MBNL1: variants seen among roughly 807,000 people sequenced by gnomAD.
MBNL1 encodes muscleblind like splicing regulator 1.
Under a neutral mutation model 42.2 loss-of-function variants are expected in MBNL1, and 8 were observed. The observed-to-expected ratio is 0.19, with a 90% CI of 0.11 to 0.34. MBNL1 has a LOEUF of 0.34. Among genes scored for constraint, MBNL1 ranks in the 10% least tolerant of loss-of-function variants. The pLI is 1.00. For missense variants in MBNL1, 309 were observed against 495.3 expected, an observed-to-expected ratio of 0.62 and a Z score of 3.57; for synonymous variants, 169 against 173.9, an observed-to-expected ratio of 0.97 and a Z score of 0.22.
At chr3:152,376,082 A>G (rs958799381) in intron 2 of MBNL1, among the ~76,000 whole-genome samples, 1 of 152,142 alleles carries the variant, frequency 6.6e-6, no homozygotes, top group Non-Finnish European at 1.5e-5. Context: ...CTCAGAACTC[A>G]TACTGTCAGG....
upstream of MBNL1, chr3:152,264,998 T>C (rs2036954389): frequency 6.6e-6 from 1 of 152,122 alleles, no homozygotes; most frequent in Non-Finnish European, 1.5e-5. Context: ...GTATGAAATA[T>C]ATAAAGGTCC....
intron 3 of MBNL1, among the ~76,000 whole-genome samples, chr3:152,428,415 G>T (rs541180537): frequency 2.6e-5 from 4 of 152,270 alleles, no homozygotes; most frequent in South Asian, 2.1e-4. Context: ...TTAGGAGTTC[G>T]TGGGAACAGA....
At chr3:152,316,745 A>T (rs138238594) in intron 2 of MBNL1, among the ~76,000 whole-genome samples, 11 of 152,312 alleles carry the variant, frequency 7.2e-5, no homozygotes, top group African/African-American at 2.4e-4. Flanking sequence ...TTCTCAATCT[A>T]TAGAGAAGAT....
At chr3:152,359,835 T>C (rs2095808347) in intron 2 of MBNL1, among the ~76,000 whole-genome samples, 1 of 152,206 alleles carries the variant, frequency 6.6e-6, no homozygotes, top group Admixed American at 6.5e-5. Flanking sequence ...GTTCAGACAT[T>C]AGGTAAATCA....
At chr3:152,442,931 C>T (rs977626837) in intron 4 of MBNL1, among the ~76,000 whole-genome samples, 1 of 151,884 alleles carries the variant, frequency 6.6e-6, no homozygotes, top group Non-Finnish European at 1.5e-5. Flanking sequence ...CAGTATGTTT[C>T]TGTCCTATTT....
chr3:152,413,148 G>A (rs1458737505), intron 2 of MBNL1, among the ~76,000 whole-genome samples: 5 of 152,086 alleles, frequency 3.3e-5, no homozygotes, highest in Non-Finnish European at 5.9e-5. Context: ...ACACTTTTAA[G>A]CTAATAACAT....
intron 2 of MBNL1, among the ~76,000 whole-genome samples, chr3:152,325,094 C>CCCCCCT (rs1413896885): frequency 1.4e-5 from 1 of 71,622 alleles, no homozygotes; most frequent in Non-Finnish European, 3.4e-5. Flanking sequence ...CCCGCCCCCC[C>CCCCCCT]CCGCCCGCTT....
At chr3:152,426,004 A>G (rs1221001689) in intron 3 of MBNL1, among the ~76,000 whole-genome samples, 1 of 152,234 alleles carries the variant, frequency 6.6e-6, no homozygotes, top group Non-Finnish European at 1.5e-5. Context: ...ACACCATGGA[A>G]TACTATACAG....
chr3:152,295,278 T>A (rs895179112), intron 1 of MBNL1, among the ~76,000 whole-genome samples: 1 of 152,208 alleles, frequency 6.6e-6, no homozygotes, highest in Non-Finnish European at 1.5e-5. Context: ...AAAGTATATT[T>A]TGTACTTGAG....
At chr3:152,268,603 T>G (rs765359526), upstream of MBNL1, 1 of 381,440 alleles carries the variant, frequency 2.6e-6, no homozygotes, top group Non-Finnish European at 5.2e-6. Flanking sequence ...GCTGAACGCA[T>G]GAGATGGAAG....
At chr3:152,405,095 T>C (rs2098392660) in intron 2 of MBNL1, among the ~76,000 whole-genome samples, 1 of 152,206 alleles carries the variant, frequency 6.6e-6, no homozygotes, top group Admixed American at 6.5e-5. Flanking sequence ...GCTTACATTA[T>C]GAAATATCTT....
At chr3:152,343,470 T>C (rs941159796) in intron 2 of MBNL1, among the ~76,000 whole-genome samples, 1 of 152,160 alleles carries the variant, frequency 6.6e-6, no homozygotes, top group African/African-American at 2.4e-5. Flanking sequence ...ATAATATTTA[T>C]TTGCAACTTT....
chr3:152,446,375 T>C (rs910021449), intron 5 of MBNL1, among the ~76,000 whole-genome samples: 16 of 152,152 alleles, frequency 1.1e-4, no homozygotes, highest in Admixed American at 1.0e-3. Flanking sequence ...TCTGTGTTTA[T>C]GGATACTTGA....
chr3:152,418,877 C>T (rs556309445), intron 3 of MBNL1, among the ~76,000 whole-genome samples: 4 of 151,998 alleles, frequency 2.6e-5, no homozygotes, highest in African/African-American at 9.7e-5. Flanking sequence ...CCCCCGTGCC[C>T]GGCTAATTTT....
chr3:152,304,938 G>A (rs919179919), intron 2 of MBNL1, among the ~76,000 whole-genome samples: 3 of 151,930 alleles, frequency 2.0e-5, no homozygotes, highest in African/African-American at 4.8e-5. Context: ...ACCATGTTTC[G>A]AATCAAGCTA....
chr3:152,318,595 G>T (rs2073924724), intron 2 of MBNL1, among the ~76,000 whole-genome samples: 1 of 152,102 alleles, frequency 6.6e-6, no homozygotes, highest in South Asian at 2.1e-4. Flanking sequence ...TCATTTGTTT[G>T]TGGGTTTACA....
chr3:152,435,057 T>G (rs1410254108), intron 4 of MBNL1, among the ~76,000 whole-genome samples: 3 of 151,904 alleles, frequency 2.0e-5, no homozygotes, highest in African/African-American at 7.3e-5. Context: ...ATATCATTTT[T>G]CCATTTTTTT....
intron 2 of MBNL1, among the ~76,000 whole-genome samples, chr3:152,255,099 T>A (rs1331122640): frequency 1.3e-5 from 2 of 152,054 alleles, no homozygotes; most frequent in Non-Finnish European, 2.9e-5. Context: ...TACAATTTGG[T>A]GGAGTAAATA....
At chr3:152,342,471 G>A in intron 2 of MBNL1, among the ~76,000 whole-genome samples, 1 of 151,618 alleles carries the variant, frequency 6.6e-6, no homozygotes. Context: ...ATGTTATTAT[G>A]TAATGTTTCC....
Sources: allele counts gnomAD v4.1 joint callset (sites outside exome capture counted in the v4.1 genomes callset), GRCh38; gene constraint gnomAD v4.1.1; transcripts MANE v1.5; gene names NCBI Gene and HGNC (gene_info 2026-07-23, HGNC 2026-07-21).